CCDC180: variants seen among roughly 807,000 people sequenced by gnomAD.
CCDC180 encodes coiled-coil domain-containing protein 180.
Under a neutral mutation model 209.2 loss-of-function variants are expected in CCDC180, and 154 were observed. The observed-to-expected ratio is 0.74, with a 90% CI of 0.65 to 0.84. CCDC180 has a LOEUF of 0.84. CCDC180 is among the 40% of genes least tolerant of loss of function. CCDC180 has a pLI of 0.00. For synonymous variants in CCDC180, 778 were observed against 749.1 expected (o/e 1.04, Z -0.63); for missense variants, 1,874 against 1,997.3 (o/e 0.94, Z 1.18).
intron 23 of CCDC180, 42 bp from the exon 24 acceptor site, chr9:97,354,850 C>A: frequency 6.4e-7 from 1 of 1,565,736 alleles, no homozygotes; most frequent in South Asian, 1.1e-5. Context: ...CCAAAAGGTC[C>A]AAATTAAGCC....
chr9:97,353,575 G>A lies in CCDC180; in HGVS notation c.3003-994G>A, dbSNP rs139404797. Among the ~76,000 whole-genome samples the A allele has an allele frequency of 4.6e-5, 7 of 152,260 alleles. No individual in the cohort carries two copies. In the East Asian group the frequency reaches 7.7e-4, roughly 17 times the overall value. The stretch of plus-strand genomic sequence containing the variant: ...TATGGGTGGCATTCTTTGAGGCCTG[G>A]ACTGGACATTGCATTCCTTCAGAGA... On this transcript the variant is annotated intron_variant, in intron 22 of 36. Coordinates refer to ENST00000529487, the MANE Select transcript of CCDC180 (RefSeq NM_020893.6).
rs1484648002 is a variant in CCDC180 at position 97,354,988 on chromosome 9, C to G, written c.3244C>G (p.Gln1082Glu). 6.2e-7 allele frequency: 1 copy of G among 1,611,116 alleles called. No individual in the cohort carries two copies. The highest frequency in any genetic ancestry group is 1.1e-5 in the South Asian group (1 of 91,026). ...EKIQRLLTNL[Q>E]VKIKCQVAKS... ...AATCCAGCGGTTGCTGACGAATCTG[C>G]AAGTGAAAATCAAGTGCCAGGTAGG... The change falls in exon 24 of 37, where the codon CAA (glutamine) becomes GAA (glutamate). Residue 1082 changes from glutamine to glutamate, a missense_variant. Coordinates refer to ENST00000529487, the MANE Select transcript of CCDC180 (RefSeq NM_020893.6).
chr9:97,353,995 CT>C (rs33935021), intron 22 of CCDC180, among the ~76,000 whole-genome samples: 23,922 of 120,074 alleles, frequency 0.2, 1,716 homozygotes, highest in Middle Eastern at 0.26. Context: ...ATCTGGAATT[CT>C]TTTTTTTTTT....
intron 13 of CCDC180, 39 bp downstream of exon 13, chr9:97,323,942 G>T (rs1371725081): frequency 6.5e-7 from 1 of 1,547,320 alleles, no homozygotes; most frequent in Non-Finnish European, 8.7e-7. Flanking sequence ...AGCTGAGGTG[G>T]GGTTGGGGGT....
chr9:97,347,641 C>T (rs926406067), intron 20 of CCDC180, 152 bp downstream of exon 20: 6 of 704,666 alleles, frequency 8.5e-6, no homozygotes, highest in Admixed American at 3.2e-5. Context: ...CATGAGGGTT[C>T]GCACCTCTGA....
chr9:97,331,393 G>A (rs1825744507), intron 18 of CCDC180, among the ~76,000 whole-genome samples: 1 of 152,206 alleles, frequency 6.6e-6, no homozygotes, highest in Admixed American at 6.5e-5. Context: ...ATGCATGCAT[G>A]TGTCTTTATG....
rs1257561644 is a variant in CCDC180 at position 97,330,395 on chromosome 9, C to T, written c.1902C>T (p.Thr634=). Residue 634 remains threonine (T), a synonymous_variant, in exon 18 of 37, where the codon ACC becomes ACT. Coordinates refer to ENST00000529487, the MANE Select transcript of CCDC180 (RefSeq NM_020893.6). The part of the protein sequence containing the change: ...RKKQGSKEDM[T]RSEESISSGT... ...AGCAAGGGTCTAAAGAGGACATGAC[C>T]AGAAGTGAGGAAAGCATAAGTAGTG... 4 of 1,613,996 alleles carry T rather than the reference C, an allele frequency of 2.5e-6. No individual in the cohort carries two copies. The highest frequency in any genetic ancestry group is 2.7e-5 in the African/African-American group (2 of 74,978).
At chr9:97,353,124 G>A (rs964936914) in intron 22 of CCDC180, among the ~76,000 whole-genome samples, 1 of 152,120 alleles carries the variant, frequency 6.6e-6, no homozygotes, top group African/African-American at 2.4e-5. Flanking sequence ...AGCATCCCGA[G>A]TAGCTGGGAC....
At position 97,370,621 on chromosome 9, in the gene CCDC180, T is replaced by G. The variant is rs1336135472; in HGVS notation, c.4351-20T>G. On this transcript the variant is annotated intron_variant, in intron 32 of 36. Coordinates refer to ENST00000529487, the MANE Select transcript of CCDC180 (RefSeq NM_020893.6). The stretch of plus-strand genomic sequence containing the variant: ...TGGTGGGTTAACATTGCCACTGAAT[T>G]CTGGATTGTTTGATTAAAGGACAAA... The G allele has an allele frequency of 2.5e-6, 4 of 1,612,336 alleles. No individual in the cohort carries two copies. Among genetic ancestry groups the G allele is most frequent in the Middle Eastern group, 1.7e-4 (1 of 6,054 alleles).
At chr9:97,313,664 C>T (rs955677879) in intron 5 of CCDC180, among the ~76,000 whole-genome samples, 3 of 152,348 alleles carry the variant, frequency 2.0e-5, no homozygotes, top group Non-Finnish European at 2.9e-5. Flanking sequence ...ACACCAAAGC[C>T]TAGCCTTCGG....
In CCDC180 at chr9:97,350,409, G is replaced by A; in HGVS notation, c.2856G>A (p.Lys952=). 2.0e-6 allele frequency: 3 copies of A among 1,535,200 alleles called. No homozygotes were observed. Among genetic ancestry groups the A allele is most frequent in the Non-Finnish European group, 1.7e-6 (2 of 1,146,918 alleles). The part of the protein sequence containing the change: ...HIFLNATRSQ[K]LVTLSNTLHQ... ...CCTGTTCCTCCTCTGTCTCCCACAG[G>A]CTGGTCACTCTCAGCAACACACTGC... The change falls in exon 22 of 37, where the codon AAG becomes AAA. Residue 952 remains lysine, a splice_region_variant and synonymous_variant. Transcript: ENST00000529487.
intron 8 of CCDC180, among the ~76,000 whole-genome samples, chr9:97,316,195 C>G (rs1396301245): frequency 6.6e-6 from 1 of 152,220 alleles, no homozygotes; most frequent in African/African-American, 2.4e-5. Flanking sequence ...CTCATTATTA[C>G]AACTTGCATT....
intron 26 of CCDC180, 109 bp downstream of exon 26, chr9:97,360,210 T>C: frequency 7.7e-7 from 1 of 1,305,170 alleles, no homozygotes; most frequent in Admixed American, 2.2e-5. Context: ...CTCCCAGGCC[T>C]CCGCGGGACA....
chr9:97,375,631 C>G, intron 36 of CCDC180, 42 bp downstream of exon 36: 1 of 1,611,232 alleles, frequency 6.2e-7, no homozygotes, highest in Non-Finnish European at 8.5e-7. Context: ...GAGCACAGCT[C>G]AGGTCGGCTG....
intron 19 of CCDC180, among the ~76,000 whole-genome samples, chr9:97,346,123 G>C (rs1382675190): frequency 2.6e-5 from 4 of 152,108 alleles, no homozygotes; most frequent in Non-Finnish European, 5.9e-5. Flanking sequence ...TTAATGAGGA[G>C]ACTCTCCTCT....
chr9:97,351,587 GCATAATCAAACA>G (rs1826421835), intron 22 of CCDC180, among the ~76,000 whole-genome samples: 1 of 152,134 alleles, frequency 6.6e-6, no homozygotes, highest in South Asian at 2.1e-4. Context: ...GATCATTAGA[GCATAATCAAACA>G]CAGATTGTAT....
At chr9:97,315,757 G>C (rs1833148983) in intron 8 of CCDC180, among the ~76,000 whole-genome samples, 1 of 152,174 alleles carries the variant, frequency 6.6e-6, no homozygotes, top group Non-Finnish European at 1.5e-5. Context: ...CCCAGATAAA[G>C]CACAGGCAAG....
chr9:97,333,023 A>G (rs760632190), intron 18 of CCDC180, among the ~76,000 whole-genome samples: 1 of 152,062 alleles, frequency 6.6e-6, no homozygotes, highest in East Asian at 1.9e-4. Context: ...GGCTCTTACT[A>G]TTTTGAAGTA....
At chr9:97,360,788 G>A (rs1312145337) in intron 26 of CCDC180, among the ~76,000 whole-genome samples, 1 of 152,128 alleles carries the variant, frequency 6.6e-6, no homozygotes, top group East Asian at 1.9e-4. Context: ...GTTGCTGTCT[G>A]CCCTGAGACT....
Sources: allele counts gnomAD v4.1 joint callset (sites outside exome capture counted in the v4.1 genomes callset), GRCh38; gene constraint gnomAD v4.1.1; transcripts MANE v1.5; gene names NCBI Gene and HGNC (gene_info 2026-07-23, HGNC 2026-07-21).